SCD5: variants seen among roughly 807,000 people sequenced by gnomAD.
SCD5 encodes acyl-CoA-desaturase 4.
SCD5 carries 20 observed loss-of-function variants against 30.4 expected under a neutral mutation model. The ratio of observed to expected loss-of-function variants is 0.66; its 90% confidence interval spans 0.46 to 0.96. The LOEUF is 0.96. SCD5 is among the 40% of genes least tolerant of loss of function. The probability of loss-of-function intolerance (pLI) is 0.00; values close to 1 mark genes in which losing one functional copy is unlikely to be tolerated. For missense variants in SCD5, 381 were observed against 443.3 expected, an observed-to-expected ratio of 0.86 and a Z score of 1.26; for synonymous variants, 173 against 176.4, an observed-to-expected ratio of 0.98 and a Z score of 0.16.
At chr4:82,656,542 A>G (rs960601994) in intron 3 of SCD5, among the ~76,000 whole-genome samples, 2 of 152,188 alleles carry the variant, frequency 1.3e-5, no homozygotes, top group Non-Finnish European at 2.9e-5. Flanking sequence ...GCTATTGTGA[A>G]TAGTGCTGCA....
intron 1 of SCD5, among the ~76,000 whole-genome samples, chr4:82,770,956 T>C (rs956498884): frequency 6.6e-6 from 1 of 152,138 alleles, no homozygotes; most frequent in African/African-American, 2.4e-5. Flanking sequence ...TTATTGTTTT[T>C]TTGTTTGTTT....
intron 3 of SCD5, among the ~76,000 whole-genome samples, chr4:82,642,584 T>A (rs1157188577): frequency 6.6e-6 from 1 of 151,912 alleles, no homozygotes; most frequent in Non-Finnish European, 1.5e-5. Context: ...CTCTCAGGGG[T>A]TTTCATCAGT....
At chr4:82,744,116 G>C (rs10003659) in intron 1 of SCD5, among the ~76,000 whole-genome samples, 66,775 of 152,074 alleles carry the variant, frequency 0.44, 17,159 homozygotes, top group South Asian at 0.58. Context: ...GTGAGCCATG[G>C]CGCCTGGCTG....
intron 3 of SCD5, among the ~76,000 whole-genome samples, chr4:82,648,886 G>C (rs140030702): frequency 6.6e-6 from 1 of 152,304 alleles, no homozygotes; most frequent in East Asian, 1.9e-4. Flanking sequence ...TGAGGATCAT[G>C]ACATTGATTC....
At chr4:82,697,405 C>A (rs1279170656) in intron 2 of SCD5, among the ~76,000 whole-genome samples, 1 of 152,180 alleles carries the variant, frequency 6.6e-6, no homozygotes, top group East Asian at 1.9e-4. Flanking sequence ...CAGGTAAGAT[C>A]TGCATTAAAG....
chr4:82,726,162 T>C (rs1371790220), intron 1 of SCD5, among the ~76,000 whole-genome samples: 1 of 152,196 alleles, frequency 6.6e-6, no homozygotes, highest in Non-Finnish European at 1.5e-5. Flanking sequence ...CTCACACCTG[T>C]AATCCCAGCA....
intron 1 of SCD5, among the ~76,000 whole-genome samples, chr4:82,786,360 C>G (rs74611051): frequency 2.6e-5 from 4 of 152,152 alleles, no homozygotes; most frequent in African/African-American, 7.2e-5. Flanking sequence ...AAAACCAACA[C>G]AGCCCAAATA....
At chr4:82,772,769 G>A (rs2148849032) in intron 1 of SCD5, among the ~76,000 whole-genome samples, 1 of 152,302 alleles carries the variant, frequency 6.6e-6, no homozygotes, top group South Asian at 2.1e-4. Context: ...AACCCTGTAT[G>A]TCCTCTTCAT....
intron 1 of SCD5, among the ~76,000 whole-genome samples, chr4:82,740,877 GA>G (rs1051286877): frequency 1.3e-5 from 2 of 151,966 alleles, no homozygotes; most frequent in Admixed American, 6.6e-5. Context: ...TTCTGTGTTA[GA>G]AACTATAGGG....
chr4:82,734,210 G>A (rs1378633411), intron 1 of SCD5, among the ~76,000 whole-genome samples: 1 of 152,172 alleles, frequency 6.6e-6, no homozygotes, highest in Non-Finnish European at 1.5e-5. Flanking sequence ...GATGAAGGAG[G>A]CAAATGCTTA....
intron 2 of SCD5, 110 bp from the exon 3 acceptor site, chr4:82,681,022 T>C (rs1728561864): frequency 1.2e-6 from 1 of 859,736 alleles, no homozygotes; most frequent in Admixed American, 2.3e-5. Flanking sequence ...CTGGTTTCAC[T>C]TTCCTCCTGT....
At chr4:82,657,058 T>C (rs1578008069) in intron 3 of SCD5, among the ~76,000 whole-genome samples, 1 of 152,324 alleles carries the variant, frequency 6.6e-6, no homozygotes, top group Non-Finnish European at 1.5e-5. Flanking sequence ...TCCTGTTCAC[T>C]CTGATGATAG....
chr4:82,765,769 G>A (rs114212677), intron 1 of SCD5, among the ~76,000 whole-genome samples: 9,570 of 151,918 alleles, frequency 0.063, 448 homozygotes, highest in Admixed American at 0.13. Flanking sequence ...GGTGTGCACC[G>A]CCATCATACC....
chr4:82,671,479 G>A (rs2148819255), intron 3 of SCD5, among the ~76,000 whole-genome samples: 1 of 152,200 alleles, frequency 6.6e-6, no homozygotes, highest in African/African-American at 2.4e-5. Context: ...CCAAAATAGA[G>A]CACATTCTGA....
At chr4:82,658,885 T>C (rs567601748) in intron 3 of SCD5, among the ~76,000 whole-genome samples, 8 of 152,078 alleles carry the variant, frequency 5.3e-5, no homozygotes, top group Non-Finnish European at 1.0e-4. Context: ...TTTTCTATTG[T>C]TTGGAATAGT....
intron 3 of SCD5, 66 bp downstream of exon 3, chr4:82,680,641 C>A: frequency 6.9e-7 from 1 of 1,455,958 alleles, no homozygotes; most frequent in Non-Finnish European, 9.6e-7. Flanking sequence ...TATGAGTCCA[C>A]CTCATTGTGC....
At chr4:82,718,591 G>A (rs1029004303) in intron 1 of SCD5, among the ~76,000 whole-genome samples, 13 of 151,662 alleles carry the variant, frequency 8.6e-5, no homozygotes, top group Non-Finnish European at 1.5e-4. Context: ...TTTTTTTCAA[G>A]GTTGTTGTTA....
intron 4 of SCD5, among the ~76,000 whole-genome samples, chr4:82,632,391 T>C (rs1343751008): frequency 1.3e-5 from 2 of 152,174 alleles, no homozygotes; most frequent in Admixed American, 6.5e-5. Context: ...CTGCATAGTA[T>C]TCCATGGTGT....
intron 1 of SCD5, among the ~76,000 whole-genome samples, chr4:82,732,382 G>A (rs191416815): frequency 1.8e-4 from 27 of 152,284 alleles, no homozygotes; most frequent in African/African-American, 5.5e-4. Context: ...GAGCCACCAC[G>A]CCTGGCCTCC....
Sources: gnomAD v4.1 joint callset for allele counts (sites outside exome capture counted in the v4.1 genomes callset) on GRCh38, gnomAD v4.1.1 for gene constraint, MANE v1.5 for transcripts, NCBI Gene and HGNC (gene_info 2026-07-23, HGNC 2026-07-21) for gene names.